Variants in MON1B observed in about 807,000 individuals in gnomAD.
MON1B encodes the protein MON1 vesicular trafficking associated B.
MON1B carries 26 observed loss-of-function variants against 45.1 expected under a neutral mutation model. The ratio of observed to expected loss-of-function variants is 0.58; its 90% CI spans 0.42 to 0.80. The LOEUF (loss-of-function observed/expected upper bound fraction) is 0.80, where lower values mean the gene tolerates loss of function less well. Among genes scored for constraint, MON1B ranks in the 30% least tolerant of loss-of-function variants. The pLI is 0.00. For synonymous variants in MON1B, 395 were observed against 320.2 expected, an observed-to-expected ratio of 1.23 and a Z score of -2.49; for missense variants, 737 against 754.5, an observed-to-expected ratio of 0.98 and a Z score of 0.27.
At chr16:77,192,810 T>G (rs558267595) in intron 2 of MON1B, among the ~76,000 whole-genome samples, 1 of 152,164 alleles carries the variant, frequency 6.6e-6, no homozygotes, top group African/African-American at 2.4e-5. Context: ...GGGGTGTTTG[T>G]GAACCACAGT....
In MON1B at chr16:77,199,608, A is replaced by G; in HGVS notation, c.*1300A>G. On this transcript the variant is annotated 3_prime_UTR_variant, in exon 6 of 6. Transcript: ENST00000248248. ...TACAATAATGAAATAATGATATTCT[A>G]ATTTTTTTAAATAAAATGTTAAGCC... 3.9e-6 allele frequency: 4 copies of G among 1,023,600 alleles called. No individual in the cohort carries two copies. Among genetic ancestry groups the G allele is most frequent in the Non-Finnish European group, 5.7e-6 (4 of 702,026 alleles). 63.4% of individuals were successfully genotyped at this position (1,023,600 alleles called of 1,614,324 possible).
In MON1B at chr16:77,193,911, C is replaced by G. The variant is rs2054637751; in HGVS notation, c.475+134C>G. The G allele has an allele frequency of 1.1e-6, 1 of 902,720 alleles. No homozygotes were observed. Among genetic ancestry groups the G allele is most frequent in the South Asian group, 1.7e-5 (1 of 57,342 alleles). 55.9% of individuals were successfully genotyped at this position (902,720 alleles called of 1,614,324 possible). On this transcript the variant is annotated intron_variant, in intron 3 of 5. Transcript: ENST00000248248. The surrounding 1 kb of genome is among the most constrained non-coding windows in gnomAD (Gnocchi z 5.0). ...TGTGTGTGGATGGTCAGCCAGAGCTCTGTCAGTGGCGGGAGGTGGGGGGGT... is the reference window on the plus strand; with the variant it reads ...TGTGTGTGGATGGTCAGCCAGAGCTGTGTCAGTGGCGGGAGGTGGGGGGGT...
chr16:77,191,764 C>A (rs2054617367), intron 2 of MON1B, 131 bp downstream of exon 2: 2 of 1,023,374 alleles, frequency 2.0e-6, no homozygotes, highest in Non-Finnish European at 2.8e-6. Flanking sequence ...ATCGCCGGGT[C>A]AGGAGGAGGT....
Position 77,191,237 on chromosome 16 carries a change from T to A in MON1B, c.-32T>A. On this transcript the variant is annotated 5_prime_UTR_variant, in exon 1 of 6. The change creates a new upstream start codon in the 5' untranslated region. Coordinates refer to ENST00000248248, the MANE Select transcript of MON1B (RefSeq NM_014940.4). ...CGGGGAAGTAATGGTATCCGGCCAATTGAGATTCGGAGTTAAAACAGGTGT... is the reference window on the plus strand; with the variant it reads ...CGGGGAAGTAATGGTATCCGGCCAAATGAGATTCGGAGTTAAAACAGGTGT... 1 of 1,537,070 alleles carries A rather than the reference T, an allele frequency of 6.5e-7. No homozygotes were observed. The highest frequency in any genetic ancestry group is 8.7e-7 in the Non-Finnish European group (1 of 1,146,914).
rs2054747635 is a variant in MON1B, at chr16:77,201,919, G to A, written c.*3611G>A. ...AGCCAGTTGGGATTGAAACAAAAATGGAGGGGGGTATAGCCCTGTGTATGT... is the reference window on the plus strand; with the variant it reads ...AGCCAGTTGGGATTGAAACAAAAATAGAGGGGGGTATAGCCCTGTGTATGT... On this transcript the variant is annotated 3_prime_UTR_variant, in exon 6 of 6. Transcript: ENST00000248248. 6.6e-6 allele frequency: 1 copy of A among 152,156 alleles called. No homozygotes were observed. Among genetic ancestry groups the A allele is most frequent in the Non-Finnish European group, 1.5e-5 (1 of 68,024 alleles). 9.4% of individuals were successfully genotyped at this position (152,156 alleles called of 1,614,324 possible).
rs2054741417 is a variant in MON1B, at chr16:77,201,444, A to T, written c.*3136A>T. On this transcript the variant is annotated 3_prime_UTR_variant, in exon 6 of 6. Transcript: ENST00000248248. Reference sequence around the variant, plus strand: ...TTCTAGCCCATCAAATCGGCTTTATAAAGGGAAGCATAGTATCTGGTATTG... The same window carrying T: ...TTCTAGCCCATCAAATCGGCTTTATTAAGGGAAGCATAGTATCTGGTATTG... 2 of 152,350 alleles carry T rather than the reference A, an allele frequency of 1.3e-5. No homozygotes were observed. Among genetic ancestry groups the T allele is most frequent in the East Asian group, 3.9e-4 (2 of 5,186 alleles). The allele number at this position is 152,350 out of a possible 1,614,324, so 9.4% of individuals were successfully genotyped here.
Position 77,191,499 on chromosome 16 carries a change from G to A in MON1B, c.14G>A (p.Gly5Glu), listed in dbSNP as rs1368417608. ...AGGGATGTGCAGATGGAGGTCGGAG[G>A]AGACACTGCTGCCCCGGCCCCCGGG... MEVG[G>E]DTAAPAPGGA... is the part of the protein sequence containing the mutation. Residue 5 changes from glycine (G) to glutamate (E), a missense_variant, in exon 2 of 6, where the codon GGA (glycine) becomes GAA (glutamate). Physicochemically the swap from Gly to Glu is moderately conservative, Grantham distance 98 (BLOSUM62 -2). Coordinates refer to ENST00000248248, the MANE Select transcript of MON1B (RefSeq NM_014940.4). 1 of 1,604,150 alleles carries A rather than the reference G, an allele frequency of 6.2e-7. No homozygotes were observed. The highest frequency in any genetic ancestry group is 8.5e-7 in the Non-Finnish European group (1 of 1,177,116).
chr16:77,197,112 G>T (rs543964483), intron 5 of MON1B, among the ~76,000 whole-genome samples: 2 of 152,122 alleles, frequency 1.3e-5, no homozygotes, highest in African/African-American at 4.8e-5. Context: ...GGTGCCTCAC[G>T]CCTATAATCC....
intron 5 of MON1B, 126 bp downstream of exon 5, chr16:77,195,808 C>T (rs1313345300): frequency 2.6e-6 from 3 of 1,135,530 alleles, no homozygotes; most frequent in Middle Eastern, 2.4e-4. Flanking sequence ...TGTGCCTTGC[C>T]TGCAACACTG....
At position 77,200,919 on chromosome 16, in the gene MON1B, C is replaced by T. The variant is rs1172648456; in HGVS notation, c.*2611C>T. On this transcript the variant is annotated 3_prime_UTR_variant, in exon 6 of 6. Transcript: ENST00000248248. Reference sequence around the variant, plus strand: ...CCTATCAGTATGCTTTAACTGTTGTCACCTTTCTGCCCCACTTTTATCTAT... The same window carrying T: ...CCTATCAGTATGCTTTAACTGTTGTTACCTTTCTGCCCCACTTTTATCTAT... 3 of 152,136 alleles carry T rather than the reference C, an allele frequency of 2.0e-5. No homozygotes were observed. Among genetic ancestry groups the T allele is most frequent in the Non-Finnish European group, 4.4e-5 (3 of 68,060 alleles). 9.4% of individuals were successfully genotyped at this position (152,136 alleles called of 1,614,324 possible). A position where few individuals can be genotyped will look rare whatever the true frequency, so the allele number is the denominator to read the frequency against.
Position 77,198,100 on chromosome 16 carries a change from AC to A in MON1B, c.1444-3del, listed in dbSNP as rs1194132060. 1 of 1,608,836 alleles carries A rather than the reference AC, an allele frequency of 6.2e-7. No homozygotes were observed. Among genetic ancestry groups the A allele is most frequent in the Admixed American group, 1.7e-5 (1 of 59,368 alleles). On this transcript the variant is annotated splice_region_variant and splice_polypyrimidine_tract_variant and intron_variant, in intron 5 of 5. Transcript: ENST00000248248. ...CCCATCTGACTCTGTCTCCTCCGAA[AC>A]CCCCAGGTGACCTCCAAATTCGAGC...
chr16:77,197,496 T>G (rs985924475), intron 5 of MON1B, among the ~76,000 whole-genome samples: 5 of 151,412 alleles, frequency 3.3e-5, no homozygotes, highest in Non-Finnish European at 7.4e-5. Context: ...CTGAGTGGAG[T>G]AGGGAGGTAT....
At chr16:77,195,419 T>C in intron 4 of MON1B, 116 bp from the exon 5 acceptor site, 2 of 1,321,936 alleles carry the variant, frequency 1.5e-6, no homozygotes, top group Non-Finnish European at 2.0e-6. Context: ...TCCTCAAGTC[T>C]CATGGGAGAG....
chr16:77,192,369 A>C (rs1293949928), intron 2 of MON1B, among the ~76,000 whole-genome samples: 1 of 152,234 alleles, frequency 6.6e-6, no homozygotes, highest in East Asian at 1.9e-4. Flanking sequence ...TCAGTGACAG[A>C]ATATGCAATT....
chr16:77,198,103 C>G lies in MON1B; in HGVS notation c.1444-5C>G, dbSNP rs2054685218. 6.2e-7 allele frequency: 1 copy of G among 1,613,968 alleles called. No individual in the cohort carries two copies. The highest frequency in any genetic ancestry group is 8.5e-7 in the Non-Finnish European group (1 of 1,179,968). On this transcript the variant is annotated splice_region_variant and splice_polypyrimidine_tract_variant and intron_variant, in intron 5 of 5. Coordinates refer to ENST00000248248, the MANE Select transcript of MON1B (RefSeq NM_014940.4). The stretch of plus-strand genomic sequence containing the variant: ...ATCTGACTCTGTCTCCTCCGAAACC[C>G]CCAGGTGACCTCCAAATTCGAGCTC...
In MON1B at chr16:77,193,746, T is replaced by C; in HGVS notation, c.444T>C (p.Ser148=). The change falls in exon 3 of 6, where the codon AGT becomes AGC. Residue 148 remains serine, a synonymous_variant. Transcript: ENST00000248248. This position sits in a 1 kb window ranked among gnomAD's most constrained non-coding sequence, Gnocchi z 5.0. The part of the protein sequence containing the change: ...VMTALVSFVQ[S]AGDAIRAIYA... ...CCGCCCTGGTGTCCTTTGTGCAGAG[T>C]GCGGGAGATGCCATCCGTGCCATCT... 2 of 1,613,230 alleles carry C rather than the reference T, an allele frequency of 1.2e-6. No homozygotes were observed. Among genetic ancestry groups the C allele is most frequent in the Non-Finnish European group, 1.7e-6 (2 of 1,179,458 alleles).
intron 4 of MON1B, 151 bp downstream of exon 4, chr16:77,195,305 C>A: frequency 4.0e-6 from 4 of 997,266 alleles, no homozygotes; most frequent in Non-Finnish European, 5.7e-6. Context: ...GGAGCATCAG[C>A]CACAGACCTA....
chr16:77,195,965 C>T (rs1019245772), intron 5 of MON1B, among the ~76,000 whole-genome samples: 4 of 152,214 alleles, frequency 2.6e-5, no homozygotes, highest in African/African-American at 9.7e-5. Context: ...CATTAACTAC[C>T]ACTGCTGTGC....
At position 77,195,553 on chromosome 16, in the gene MON1B, C is replaced by T. The variant is rs754849470; in HGVS notation, c.1314C>T (p.Pro438=). 2 of 1,613,850 alleles carry T rather than the reference C, an allele frequency of 1.2e-6. No individual in the cohort carries two copies. Among genetic ancestry groups the T allele is most frequent in the South Asian group, 1.1e-5 (1 of 91,024 alleles). The stretch of plus-strand genomic sequence containing the variant: ...ATGGCAGCCCTGAGCTAGAGGCCCC[C>T]TACAGCAGAGAGGAGGAGCGGCAGC... ...PQFTSPELEA[P]YSREEERQRL... Residue 438 remains proline (P), a synonymous_variant, in exon 5 of 6, where the codon CCC becomes CCT. Transcript: ENST00000248248.
Sources: allele counts gnomAD v4.1 joint callset (sites outside exome capture counted in the v4.1 genomes callset), GRCh38; gene constraint gnomAD v4.1.1; non-coding constraint Gnocchi (gnomAD v3.1); transcripts MANE v1.5; gene names NCBI Gene and HGNC (gene_info 2026-07-23, HGNC 2026-07-21).